The following ADAM12 variants were observed in gnomAD, a reference collection of about 807,000 sequenced individuals.
ADAM12 encodes the protein ADAM metallopeptidase domain 12.
In ADAM12, 70 loss-of-function variants were observed where a neutral mutation model predicts 106.4. The observed-to-expected ratio is 0.66, with a 90% confidence interval of 0.54 to 0.80. The LOEUF is 0.80. Among genes scored for constraint, ADAM12 ranks in the 30% least tolerant of loss-of-function variants. The probability of loss-of-function intolerance (pLI) is 0.00; values close to 1 mark genes in which losing one functional copy is unlikely to be tolerated. For synonymous variants in ADAM12, 420 were observed against 433.5 expected (o/e 0.97, Z 0.39); for missense variants, 1,010 against 1,171.9 (o/e 0.86, Z 2.02).
At chr10:126,172,494 C>G (rs967523459) in intron 3 of ADAM12, among the ~76,000 whole-genome samples, 2 of 152,070 alleles carry the variant, frequency 1.3e-5, no homozygotes, top group African/African-American at 4.8e-5. Flanking sequence ...TGCCAACAAA[C>G]ATACAAAAAA....
rs75206009 is a variant in ADAM12, at chr10:126,075,545, A to C, written c.1146-3891T>G. ...GAATGAGTTAGAAAGAGTAGAATTA[A>C]GGAGAAAAAAATAAAAGAGCAAGGG... is the stretch of plus-strand genomic sequence containing the variant. On this transcript the variant is annotated intron_variant, in intron 11 of 22. Coordinates refer to ENST00000448723, the MANE Select transcript of ADAM12 (RefSeq NM_001288973.2). 3.5e-4 allele frequency among the ~76,000 whole-genome samples: 53 copies of C among 152,350 alleles called. 1 individual carries two copies. The East Asian group carries it at 9.6e-3, about 28-fold the overall frequency.
At chr10:126,275,134 G>C (rs868530934) in intron 3 of ADAM12, among the ~76,000 whole-genome samples, 1 of 152,196 alleles carries the variant, frequency 6.6e-6, no homozygotes, top group African/African-American at 2.4e-5. Flanking sequence ...CTGGGATTGA[G>C]AGATGTAAGG....
chr10:126,306,828 G>T (rs566501410), intron 2 of ADAM12, among the ~76,000 whole-genome samples: 1 of 152,028 alleles, frequency 6.6e-6, no homozygotes, highest in South Asian at 2.1e-4. Flanking sequence ...TGATTATCAC[G>T]GGCTCAGATG....
At chr10:126,251,689 GGATGGGAT>G (rs1202608190) in intron 3 of ADAM12, among the ~76,000 whole-genome samples, 15 of 151,880 alleles carry the variant, frequency 9.9e-5, no homozygotes, top group South Asian at 6.3e-4. Context: ...TGGAGAGGAT[GGATGGGAT>G]GGATGGATAG....
intron 4 of ADAM12, among the ~76,000 whole-genome samples, chr10:126,141,938 G>A (rs1956520040): frequency 6.6e-6 from 1 of 152,154 alleles, no homozygotes; most frequent in African/African-American, 2.4e-5. Flanking sequence ...GGCCATCTAA[G>A]GCCAACCTTT....
At chr10:126,352,992 G>A (rs1288838276) in intron 1 of ADAM12, among the ~76,000 whole-genome samples, 1 of 152,224 alleles carries the variant, frequency 6.6e-6, no homozygotes, top group African/African-American at 2.4e-5. Context: ...CACAAAGGCT[G>A]CTCTTGCTGT....
chr10:126,292,076 C>T (rs548304949), intron 2 of ADAM12, among the ~76,000 whole-genome samples: 27 of 152,124 alleles, frequency 1.8e-4, no homozygotes, highest in African/African-American at 4.3e-4. Context: ...AGATGCTCGA[C>T]GCCAAATCTC....
chr10:126,188,051 G>A (rs1957430989), intron 3 of ADAM12, among the ~76,000 whole-genome samples: 1 of 152,194 alleles, frequency 6.6e-6, no homozygotes, highest in African/African-American at 2.4e-5. Context: ...GGAAAGCCAG[G>A]CTGTGAAGGG....
At chr10:126,094,359 C>T (rs1051008644) in intron 10 of ADAM12, among the ~76,000 whole-genome samples, 2 of 152,126 alleles carry the variant, frequency 1.3e-5, no homozygotes, top group Non-Finnish European at 2.9e-5. Flanking sequence ...TGTCTGTATG[C>T]CGCACGTATA....
intron 2 of ADAM12, among the ~76,000 whole-genome samples, chr10:126,292,627 T>C (rs1165368674): frequency 6.6e-6 from 1 of 152,190 alleles, no homozygotes; most frequent in Non-Finnish European, 1.5e-5. Context: ...TTGATGCACA[T>C]TTTCTGTAAT....
chr10:126,284,852 C>T (rs1259125906), intron 2 of ADAM12, among the ~76,000 whole-genome samples: 3 of 152,204 alleles, frequency 2.0e-5, no homozygotes, highest in East Asian at 3.8e-4. Context: ...TTTGATTTGT[C>T]CTCCTTGGAG....
At chr10:126,343,441 G>A (rs1480046701) in intron 1 of ADAM12, among the ~76,000 whole-genome samples, 2 of 152,208 alleles carry the variant, frequency 1.3e-5, no homozygotes, top group East Asian at 3.9e-4. Context: ...TTGGACATTT[G>A]GGTTGGTTCC....
rs1219664406 is a variant in ADAM12, at chr10:126,057,365, TA to T, written c.1609+7440del. ...ATGTTCCCTAAAACTTAGAGTATAA[TA>T]AAAAAAAAATTAAAAAACAAAAAAA... On this transcript the variant is annotated intron_variant, in intron 14 of 22. Transcript: ENST00000448723. Among the ~76,000 whole-genome samples the T allele has an allele frequency of 1.6e-3, 28 of 17,188 alleles. 7 individuals are homozygous for T. Among genetic ancestry groups the T allele is most frequent in the Admixed American group, 6.3e-3 (8 of 1,264 alleles). 11.3% of individuals were successfully genotyped at this position (17,188 alleles called of 152,430 possible). A position where few individuals can be genotyped will look rare whatever the true frequency, so the allele number is the denominator to read the frequency against.
chr10:126,386,080 C>T (rs184486235), intron 1 of ADAM12, among the ~76,000 whole-genome samples: 13 of 151,996 alleles, frequency 8.6e-5, no homozygotes, highest in Admixed American at 2.6e-4. Flanking sequence ...TGGTGGCTTA[C>T]GGAGTAAAAA....
At chr10:126,189,537 T>C (rs1957459205) in intron 3 of ADAM12, among the ~76,000 whole-genome samples, 1 of 152,206 alleles carries the variant, frequency 6.6e-6, no homozygotes, top group Non-Finnish European at 1.5e-5. Flanking sequence ...GACTGTTTTT[T>C]GAGTGCTGAC....
At chr10:126,295,832 C>T (rs1305289673) in intron 2 of ADAM12, among the ~76,000 whole-genome samples, 3 of 151,452 alleles carry the variant, frequency 2.0e-5, no homozygotes, top group African/African-American at 4.8e-5. Flanking sequence ...GAAGGCAAGC[C>T]CATCTTTCTT....
intron 3 of ADAM12, among the ~76,000 whole-genome samples, chr10:126,277,369 C>T (rs181210468): frequency 1.5e-3 from 224 of 152,214 alleles, no homozygotes; most frequent in Admixed American, 2.2e-3. Context: ...CTGTGCACCA[C>T]GTTTCTTCCA....
Position 126,054,321 on chromosome 10 carries a change from C to T in ADAM12, c.1610-4652G>A, listed in dbSNP as rs1954579679. Among the ~76,000 whole-genome samples, 4 of 152,218 alleles carry T rather than the reference C, an allele frequency of 2.6e-5. No individual in the cohort carries two copies. The South Asian group carries it at 8.3e-4, about 31-fold the overall frequency. ...ATAATATTTAAGCATGTGATAGATG[C>T]ACCTGCCTTTTTTTAAACCTGATTT... On this transcript the variant is annotated intron_variant, in intron 14 of 22. Transcript: ENST00000448723.
At chr10:126,295,217 T>A (rs1960315390) in intron 2 of ADAM12, among the ~76,000 whole-genome samples, 1 of 152,064 alleles carries the variant, frequency 6.6e-6, no homozygotes, top group Admixed American at 6.6e-5. Flanking sequence ...CTAAGCTCCA[T>A]CACTTACTAG....
Sources: allele counts gnomAD v4.1 joint callset (sites outside exome capture counted in the v4.1 genomes callset), GRCh38; gene constraint gnomAD v4.1.1; transcripts MANE v1.5; gene names NCBI Gene and HGNC (gene_info 2026-07-23, HGNC 2026-07-21).